Variants in KCNQ2 observed in about 807,000 individuals in gnomAD.
The protein encoded by KCNQ2 is potassium voltage-gated channel subfamily KQT member 2.
Under a neutral mutation model 84.8 loss-of-function variants are expected in KCNQ2, and 14 were observed. The observed-to-expected ratio is 0.17, with a 90% CI of 0.11 to 0.26. KCNQ2 has a LOEUF of 0.26. Among genes scored for constraint, KCNQ2 ranks in the 10% least tolerant of loss-of-function variants. KCNQ2 has a pLI of 1.00. For missense variants in KCNQ2, 788 were observed against 1,254.0 expected, an observed-to-expected ratio of 0.63 and a Z score of 5.61; for synonymous variants, 599 against 554.1, an observed-to-expected ratio of 1.08 and a Z score of -1.14.
intron 8 of KCNQ2, among the ~76,000 whole-genome samples, chr20:63,432,013 T>TCAGGGAAGGATCCAC (rs2080812054): frequency 3.6e-5 from 1 of 27,688 alleles, no homozygotes; most frequent in African/African-American, 1.5e-4. Context: ...GAAGGCCCCA[T>TCAGGGAAGGATCCAC]CCACAGGGAA....
chr20:63,456,845 A>G (rs1477786563), intron 1 of KCNQ2, among the ~76,000 whole-genome samples: 1 of 152,174 alleles, frequency 6.6e-6, no homozygotes, highest in East Asian at 1.9e-4. Context: ...TGTCCAGAAC[A>G]ATGTCCATGC....
intron 1 of KCNQ2, among the ~76,000 whole-genome samples, chr20:63,464,503 C>T (rs2082034910): frequency 6.6e-6 from 1 of 152,114 alleles, no homozygotes; most frequent in Admixed American, 6.5e-5. Flanking sequence ...GTGTGATGCC[C>T]CCCACGCACA....
intron 1 of KCNQ2, among the ~76,000 whole-genome samples, chr20:63,456,381 C>T (rs539706709): frequency 1.2e-4 from 19 of 152,336 alleles, no homozygotes; most frequent in Middle Eastern, 6.8e-3. Context: ...AGCCCCCTCG[C>T]TCTGCGACTC....
chr20:63,418,099 G>A (rs1339050908), intron 12 of KCNQ2, among the ~76,000 whole-genome samples: 1 of 152,186 alleles, frequency 6.6e-6, no homozygotes, highest in African/African-American at 2.4e-5. Context: ...CAGCTGGTGA[G>A]GCTCCATGCT....
chr20:63,428,878 G>A (rs940527986), intron 9 of KCNQ2, among the ~76,000 whole-genome samples: 7 of 152,164 alleles, frequency 4.6e-5, no homozygotes, highest in African/African-American at 1.7e-4. Context: ...AAAGCTGGAG[G>A]AGTTGGGAGG....
intron 9 of KCNQ2, 53 bp downstream of exon 9, chr20:63,431,287 C>G (rs1298122721): frequency 6.2e-7 from 1 of 1,602,194 alleles, no homozygotes; most frequent in Non-Finnish European, 8.5e-7. Flanking sequence ...CAGTTCCAGA[C>G]ACAGAACTAG....
At position 63,446,579 on chromosome 20, in the gene KCNQ2, G is replaced by A. The variant is rs911813700; in HGVS notation, c.387+168C>T. On this transcript the variant is annotated intron_variant, in intron 2 of 16. Transcript: ENST00000359125. The surrounding 1 kb of genome is among the most constrained non-coding windows in gnomAD (Gnocchi z 5.5). ...CCAGGGTGGGGCTGGGGCATAGCCC[G>A]GGCTGTGGGGCTGGGGGCAGATGGG... Among the ~76,000 whole-genome samples, 16 of 152,128 alleles carry A rather than the reference G, an allele frequency of 1.1e-4. No individual in the cohort carries two copies. Among genetic ancestry groups the A allele is most frequent in the Admixed American group, 9.2e-4 (14 of 15,278 alleles).
rs879875521 is a variant in KCNQ2, at chr20:63,425,546, C to G, written c.1218-1340G>C. On this transcript the variant is annotated intron_variant, in intron 10 of 16. Coordinates refer to ENST00000359125, the MANE Select transcript of KCNQ2 (RefSeq NM_172107.4). The surrounding 1 kb of genome is among the most constrained non-coding windows in gnomAD (Gnocchi z 5.5). The stretch of plus-strand genomic sequence containing the variant: ...ACCAGCCTGACCAACATGGTGAAAC[C>G]CCGTCTCTACTAAAAATACAAAAAT... 1.3e-5 allele frequency among the ~76,000 whole-genome samples: 2 copies of G among 151,980 alleles called. No individual in the cohort carries two copies. Among genetic ancestry groups the G allele is most frequent in the African/African-American group, 2.4e-5 (1 of 41,344 alleles).
chr20:63,450,652 G>A (rs964891327), intron 1 of KCNQ2, among the ~76,000 whole-genome samples: 5 of 149,014 alleles, frequency 3.4e-5, no homozygotes, highest in African/African-American at 1.2e-4. Context: ...AACAAGAGTG[G>A]CAGGCGCCCA....
At chr20:63,420,042 C>T (rs532058238) in intron 11 of KCNQ2, among the ~76,000 whole-genome samples, 1 of 152,368 alleles carries the variant, frequency 6.6e-6, no homozygotes, top group South Asian at 2.1e-4. Context: ...GGACGTGACC[C>T]CGGGAAAGGG....
chr20:63,422,222 CA>C (rs1180026552), intron 11 of KCNQ2: 3 of 153,158 alleles, frequency 2.0e-5, no homozygotes, highest in East Asian at 3.8e-4. Context: ...CCTCACCCAG[CA>C]GCCCAGGGAC....
chr20:63,433,742 G>T (rs779271080), intron 8 of KCNQ2, 67 bp downstream of exon 8: 2 of 1,612,110 alleles, frequency 1.2e-6, no homozygotes, highest in Non-Finnish European at 1.7e-6. Context: ...CAAAAAGTGG[G>T]GTTTAAGAAC....
intron 1 of KCNQ2, among the ~76,000 whole-genome samples, chr20:63,450,555 G>C: frequency 1.8e-5 from 1 of 55,696 alleles, no homozygotes; most frequent in Admixed American, 1.8e-4. Context: ...AAGACTGCTG[G>C]GGGTGGGGGA....
Position 63,463,459 on chromosome 20 carries a change from T to TGACA in KCNQ2, c.296+8705_296+8708dup, listed in dbSNP as rs113401242. Reference sequence around the variant, plus strand: ...GCCCTTCCCCAGGGCTCAGCCTCCATGACAAACTTTAAAGTCCCACACACG... The same window carrying TGACA: ...GCCCTTCCCCAGGGCTCAGCCTCCATGACAGACAAACTTTAAAGTCCCACACACG... On this transcript the variant is annotated intron_variant, in intron 1 of 16. Transcript: ENST00000359125. 3.0e-3 allele frequency among the ~76,000 whole-genome samples: 452 copies of TGACA among 152,142 alleles called. 1 individual carries two copies. The highest frequency in any genetic ancestry group is 0.01 in the African/African-American group (434 of 41,502).
chr20:63,468,623 A>C (rs182809940), intron 1 of KCNQ2, among the ~76,000 whole-genome samples: 2 of 152,350 alleles, frequency 1.3e-5, no homozygotes, highest in East Asian at 3.9e-4. Context: ...CCTTCCCTGC[A>C]GTGAAATGGG....
Position 63,408,510 on chromosome 20 carries a change from G to A in KCNQ2, c.1790C>T (p.Pro597Leu). The change falls in exon 16 of 17, where the codon CCA becomes CTA. Residue 597 changes from proline to leucine, a missense_variant. By Grantham distance (98) the Pro-to-Leu change is moderately conservative. This residue lies in a region of KCNQ2 where 378 missense variants were observed against 434.5 expected (regional missense o/e 0.87). Coordinates refer to ENST00000359125, the MANE Select transcript of KCNQ2 (RefSeq NM_172107.4). The surrounding 1 kb of genome is among the most constrained non-coding windows in gnomAD (Gnocchi z 5.0). ...SRVDQIVGRG[P>L]AITDKDRTKG... ...GGTGCGGTCCTTGTCCGTGATCGCTGGGCCCCGCCCCACGATCTGGTCCAC... is the reference window on the plus strand; with the variant it reads ...GGTGCGGTCCTTGTCCGTGATCGCTAGGCCCCGCCCCACGATCTGGTCCAC... 6.2e-7 allele frequency: 1 copy of A among 1,610,132 alleles called. No individual in the cohort carries two copies. The highest frequency in any genetic ancestry group is 8.5e-7 in the Non-Finnish European group (1 of 1,179,004).
intron 15 of KCNQ2, chr20:63,410,934 C>T: frequency 2.2e-6 from 1 of 444,698 alleles, no homozygotes; most frequent in Admixed American, 2.4e-5. Flanking sequence ...TCAGACTTGC[C>T]AGAAGACAGG....
intron 1 of KCNQ2, among the ~76,000 whole-genome samples, chr20:63,462,017 C>T (rs1373316377): frequency 2.2e-5 from 3 of 134,840 alleles, no homozygotes; most frequent in Non-Finnish European, 3.1e-5. Flanking sequence ...GCTGCACCTA[C>T]CCCAGGCAGC....
At chr20:63,442,987 T>TCACCACCATCACCATCACCACCACC (rs2081260112) in intron 4 of KCNQ2, among the ~76,000 whole-genome samples, 1 of 18,640 alleles carries the variant, frequency 5.4e-5, no homozygotes, top group Non-Finnish European at 9.8e-5. Flanking sequence ...TCACCACCAT[T>TCACCACCATCACCATCACCACCACC]ACCATCACCA....
Sources: allele counts gnomAD v4.1 joint callset (sites outside exome capture counted in the v4.1 genomes callset), GRCh38; gene constraint gnomAD v4.1.1; regional missense constraint gnomAD v4.1.1; non-coding constraint Gnocchi (gnomAD v3.1); transcripts MANE v1.5; gene names NCBI Gene and HGNC (gene_info 2026-07-23, HGNC 2026-07-21).